PACC1: variants seen among roughly 807,000 people sequenced by gnomAD.
PACC1 encodes the protein proton activated chloride channel 1.
Under a neutral mutation model 39.7 loss-of-function variants are expected in PACC1, and 34 were observed. That is an observed-to-expected ratio of 0.86 (90% CI 0.65 to 1.14). PACC1 has a LOEUF of 1.14. Among genes scored for constraint, PACC1 ranks in the 50% most tolerant of loss-of-function variants. PACC1 has a pLI of 0.00. For synonymous variants in PACC1, 127 were observed against 160.6 expected (o/e 0.79, Z 1.58); for missense variants, 379 against 436.4 (o/e 0.87, Z 1.17).
At chr1:212,379,614 C>T (rs766297409) in intron 5 of PACC1, among the ~76,000 whole-genome samples, 3 of 152,226 alleles carry the variant, frequency 2.0e-5, no homozygotes, top group Non-Finnish European at 4.4e-5. Context: ...TACTCCTCAG[C>T]AGCCCCAGGC....
At chr1:212,365,695 A>G (rs1660214560) in intron 7 of PACC1, among the ~76,000 whole-genome samples, 1 of 151,988 alleles carries the variant, frequency 6.6e-6, no homozygotes, top group African/African-American at 2.4e-5. Context: ...ATAACTCTAT[A>G]TACTTCATTC....
chr1:212,401,755 C>A (rs1453624076), intron 2 of PACC1, among the ~76,000 whole-genome samples: 2 of 149,192 alleles, frequency 1.3e-5, no homozygotes, highest in Admixed American at 6.7e-5. Context: ...CTCACTGCAA[C>A]CTCCACCTCC....
rs776393267 is a variant in PACC1 at position 212,377,585 on chromosome 1, C to T, written c.760G>A (p.Glu254Lys). ...ACCTCCTGCCGGAACTCCACTGCTT[C>T]CCGCCCATCCTCCTCCTTGGTCTTT... ...LVKTKEEDGR[E>K]AVEFRQETSV... Residue 254 changes from glutamate to lysine, a missense_variant, in exon 6 of 8, where the codon GAA becomes AAA. Coordinates refer to ENST00000261455, the MANE Select transcript of PACC1 (RefSeq NM_018252.3). 7 of 1,614,068 alleles carry T rather than the reference C, an allele frequency of 4.3e-6. No homozygotes were observed. The highest frequency in any genetic ancestry group is 1.7e-5 in the Admixed American group (1 of 60,002).
intron 5 of PACC1, among the ~76,000 whole-genome samples, chr1:212,379,150 A>G (rs566303665): frequency 9.2e-5 from 14 of 152,082 alleles, no homozygotes; most frequent in African/African-American, 2.9e-4. Context: ...TCACCATGTT[A>G]GCCAGGATGG....
intron 2 of PACC1, among the ~76,000 whole-genome samples, chr1:212,399,994 G>A (rs377629563): frequency 7.2e-5 from 11 of 152,122 alleles, no homozygotes; most frequent in South Asian, 2.1e-4. Context: ...ACAGGTGTGC[G>A]CCACCACACC....
intron 2 of PACC1, among the ~76,000 whole-genome samples, chr1:212,390,950 G>A (rs1441935985): frequency 1.3e-5 from 2 of 152,156 alleles, no homozygotes; most frequent in African/African-American, 4.8e-5. Context: ...CGGGAAGCTC[G>A]AACTGGGTGG....
At chr1:212,366,502 A>G (rs1337930062) in intron 7 of PACC1, among the ~76,000 whole-genome samples, 10 of 151,586 alleles carry the variant, frequency 6.6e-5, no homozygotes, top group Non-Finnish European at 1.3e-4. Flanking sequence ...GGGTTTCACC[A>G]TGTTGGCCAG....
At chr1:212,396,605 G>GA (rs35410069) in intron 2 of PACC1, among the ~76,000 whole-genome samples, 1 of 133,038 alleles carries the variant, frequency 7.5e-6, no homozygotes, top group African/African-American at 2.8e-5. Context: ...TATACATATT[G>GA]AAAAAAAAGA....
chr1:212,404,314 G>A (rs1661825161), intron 2 of PACC1, among the ~76,000 whole-genome samples: 1 of 151,190 alleles, frequency 6.6e-6, no homozygotes, highest in Admixed American at 6.6e-5. Context: ...CATCGTGTTA[G>A]CCAGGATGGT....
At chr1:212,391,231 T>C (rs1393174204) in intron 2 of PACC1, among the ~76,000 whole-genome samples, 1 of 152,150 alleles carries the variant, frequency 6.6e-6, no homozygotes, top group Non-Finnish European at 1.5e-5. Context: ...CAGGTACCCT[T>C]CTGAGACAAA....
intron 2 of PACC1, among the ~76,000 whole-genome samples, chr1:212,398,587 G>C (rs1453789407): frequency 1.3e-5 from 2 of 152,182 alleles, no homozygotes; most frequent in Non-Finnish European, 1.5e-5. Flanking sequence ...AAACCCAATG[G>C]GTAGCTGAGA....
chr1:212,401,622 C>CA (rs770201392), intron 2 of PACC1, among the ~76,000 whole-genome samples: 2,067 of 44,148 alleles, frequency 0.047, 102 homozygotes, highest in East Asian at 0.14. Flanking sequence ...ACTCTTGTCT[C>CA]AAAAAAAAAA....
rs141986792 is a variant in PACC1, at chr1:212,384,714, G to A, written c.495+560C>T. On this transcript the variant is annotated intron_variant, in intron 4 of 7. Transcript: ENST00000261455. The stretch of plus-strand genomic sequence containing the variant: ...CTGTGCAGTGCCACTCCTCCAGGGC[G>A]CTCCTAACCCCATCCCTCAGTCATC... Among the ~76,000 whole-genome samples the A allele has an allele frequency of 6.6e-5, 10 of 152,286 alleles. No homozygotes were observed. In the East Asian group the frequency reaches 1.9e-3, roughly 29 times the overall value.
Position 212,414,745 on chromosome 1 carries a change from C to T in PACC1, c.13G>A (p.Glu5Lys). ...ACCTCCTGGTAGGATGTGGAGCGCT[C>T]CTGCCGGATCATGGCACTGACCAGA... MIRQ[E>K]RSTSYQELSE... Residue 5 changes from glutamate (E) to lysine (K), a missense_variant, in exon 1 of 8, where the codon GAG (glutamate) becomes AAG (lysine). Coordinates refer to ENST00000261455, the MANE Select transcript of PACC1 (RefSeq NM_018252.3). The T allele has an allele frequency of 6.2e-7, 1 of 1,613,708 alleles. No homozygotes were observed. The highest frequency in any genetic ancestry group is 1.1e-5 in the South Asian group (1 of 91,088).
intron 7 of PACC1, among the ~76,000 whole-genome samples, chr1:212,366,089 CAG>C (rs1482499682): frequency 6.6e-6 from 1 of 152,184 alleles, no homozygotes; most frequent in Non-Finnish European, 1.5e-5. Flanking sequence ...TTCAAAGTCT[CAG>C]AGCTTTCCCT....
Position 212,365,106 on chromosome 1 carries a change from G to T in PACC1, c.*109C>A. On this transcript the variant is annotated 3_prime_UTR_variant, in exon 8 of 8. Transcript: ENST00000261455. ...TTTACATGCTGTTCCTCCCAGCAAG[G>T]CCCCATTTCTTCAAGTGAGTACAGG... 2 of 1,131,052 alleles carry T rather than the reference G, an allele frequency of 1.8e-6. No individual in the cohort carries two copies. The highest frequency in any genetic ancestry group is 2.5e-6 in the Non-Finnish European group (2 of 815,066). The allele number at this position is 1,131,052 out of a possible 1,614,324, so 70.1% of individuals were successfully genotyped here. A position where few individuals can be genotyped will look rare whatever the true frequency, so the allele number is the denominator to read the frequency against.
chr1:212,370,299 T>C (rs543416167), intron 7 of PACC1, among the ~76,000 whole-genome samples: 13 of 152,250 alleles, frequency 8.5e-5, no homozygotes, highest in African/African-American at 2.6e-4. Context: ...ACCCCGTCTC[T>C]ACCAAAAAAT....
chr1:212,377,777 G>T, intron 5 of PACC1, 71 bp from the exon 6 acceptor site: 1 of 1,559,174 alleles, frequency 6.4e-7, no homozygotes. Flanking sequence ...AGCCCCCACT[G>T]CAAGCTGGTT....
chr1:212,364,668 A>AAGTCTC lies in PACC1; in HGVS notation c.*541_*546dup, dbSNP rs1254502661. The AAGTCTC allele has an allele frequency of 6.6e-6, 1 of 152,624 alleles. No individual in the cohort carries two copies. The highest frequency in any genetic ancestry group is 1.5e-5 in the Non-Finnish European group (1 of 68,044). The allele number at this position is 152,624 out of a possible 1,614,324, so 9.5% of individuals were successfully genotyped here. On this transcript the variant is annotated 3_prime_UTR_variant, in exon 8 of 8. Coordinates refer to ENST00000261455, the MANE Select transcript of PACC1 (RefSeq NM_018252.3). Reference sequence around the variant, plus strand: ...TAATTACTAGTTTCTAGTAGCCTTAAAGTCTCATTTAACATTTAACAAATC... The same window carrying AAGTCTC: ...TAATTACTAGTTTCTAGTAGCCTTAAAGTCTCAGTCTCATTTAACATTTAACAAATC...
Sources: gnomAD v4.1 joint callset for allele counts (sites outside exome capture counted in the v4.1 genomes callset) on GRCh38, gnomAD v4.1.1 for gene constraint, MANE v1.5 for transcripts, NCBI Gene and HGNC (gene_info 2026-07-23, HGNC 2026-07-21) for gene names.